HPD: variants seen among roughly 807,000 people sequenced by gnomAD.
The protein encoded by HPD is 4-hydroxyphenylpyruvate dioxygenase.
In HPD, 35 loss-of-function variants were observed where a neutral mutation model predicts 56.9. That is an observed-to-expected ratio of 0.62 (90% CI 0.47 to 0.82). The LOEUF is 0.82. Among genes scored for constraint, HPD ranks in the 40% least tolerant of loss-of-function variants. The pLI, the probability that HPD is intolerant of heterozygous loss-of-function variation, is 0.00. For missense variants in HPD, 442 were observed against 506.8 expected (o/e 0.87, Z 1.23); for synonymous variants, 186 against 200.2 (o/e 0.93, Z 0.60).
chr12:121,861,424 G>T (rs1018611272), upstream of HPD, among the ~76,000 whole-genome samples: 1 of 151,944 alleles, frequency 6.6e-6, no homozygotes, highest in African/African-American at 2.4e-5. Flanking sequence ...AGAATCACTT[G>T]AACCCAGGAG....
chr12:121,851,404 T>C (rs902704512), intron 7 of HPD, among the ~76,000 whole-genome samples: 1 of 151,994 alleles, frequency 6.6e-6, no homozygotes, highest in Non-Finnish European at 1.5e-5. Flanking sequence ...TGGAGTACAG[T>C]GGTGCAACCT....
At chr12:121,869,350 CAAAAA>C in the HPD span, among the ~76,000 whole-genome samples, 26,523 of 115,490 alleles carry the variant, frequency 0.23, 5,119 homozygotes, top group African/African-American at 0.57. Context: ...AACTTCGTCT[CAAAAA>C]AAAAAAAAAA....
the HPD span, among the ~76,000 whole-genome samples, chr12:121,879,701 A>T: frequency 6.6e-6 from 1 of 152,122 alleles, no homozygotes; most frequent in East Asian, 1.9e-4. Context: ...AAAATGTATA[A>T]ACATATATAG....
At chr12:121,882,418 TCTC>T in the HPD span, among the ~76,000 whole-genome samples, 2 of 152,108 alleles carry the variant, frequency 1.3e-5, no homozygotes, top group Non-Finnish European at 2.9e-5. Flanking sequence ...CAACTGAAGT[TCTC>T]CTAGATCTTG....
At chr12:121,842,741 C>CTTTTTT (rs34879391) in intron 12 of HPD, among the ~76,000 whole-genome samples, 3 of 76,246 alleles carry the variant, frequency 3.9e-5, no homozygotes, top group Admixed American at 1.7e-4. Flanking sequence ...TAAAATGGAT[C>CTTTTTT]TTTTTTTTTT....
upstream of HPD, among the ~76,000 whole-genome samples, chr12:121,861,491 G>A (rs1878172079): frequency 6.6e-6 from 1 of 151,872 alleles, no homozygotes; most frequent in Non-Finnish European, 1.5e-5. Flanking sequence ...GACAGAATGA[G>A]ACCCTGTCTC....
At chr12:121,867,657 G>A (rs1287243344), upstream of HPD, among the ~76,000 whole-genome samples, 1 of 151,964 alleles carries the variant, frequency 6.6e-6, no homozygotes, top group Non-Finnish European at 1.5e-5. Flanking sequence ...GGGATTACAG[G>A]TGCACATCAC....
chr12:121,842,582 C>G (rs1002561280), intron 12 of HPD, among the ~76,000 whole-genome samples: 2 of 151,770 alleles, frequency 1.3e-5, no homozygotes, highest in East Asian at 3.9e-4. Flanking sequence ...CAGATCACCA[C>G]GCACAGCTAA....
chr12:121,864,073 CAA>C (rs748278452), upstream of HPD, among the ~76,000 whole-genome samples: 183 of 71,300 alleles, frequency 2.6e-3, no homozygotes, highest in East Asian at 0.053. Context: ...ACTAAAAATA[CAA>C]AAAAAAAAAA....
chr12:121,872,401 T>C, the HPD span, among the ~76,000 whole-genome samples: 1 of 151,686 alleles, frequency 6.6e-6, no homozygotes, highest in African/African-American at 2.4e-5. Flanking sequence ...TTAGTTTCTT[T>C]TGTATTTTTA....
At chr12:121,844,081 G>C (rs1877495596) in intron 11 of HPD, among the ~76,000 whole-genome samples, 1 of 151,818 alleles carries the variant, frequency 6.6e-6, no homozygotes, top group Non-Finnish European at 1.5e-5. Context: ...TTGAGATGGA[G>C]TCTCTGTTGC....
chr12:121,852,615 TTG>T (rs1877830387), intron 7 of HPD, among the ~76,000 whole-genome samples: 1 of 142,534 alleles, frequency 7.0e-6, no homozygotes, highest in African/African-American at 2.6e-5. Context: ...AATGACCTCA[TTG>T]GATCCTTTTT....
chr12:121,854,226 A>C (rs1234386054), intron 7 of HPD, among the ~76,000 whole-genome samples: 1 of 152,180 alleles, frequency 6.6e-6, no homozygotes, highest in African/African-American at 2.4e-5. Flanking sequence ...ACTACACTCC[A>C]GCCTGGGCGA....
At chr12:121,879,936 G>T in the HPD span, among the ~76,000 whole-genome samples, 1 of 151,994 alleles carries the variant, frequency 6.6e-6, no homozygotes, top group African/African-American at 2.4e-5. Flanking sequence ...GATCACTTGA[G>T]CCCAGGAATT....
intron 12 of HPD, among the ~76,000 whole-genome samples, chr12:121,842,710 A>T (rs900694955): frequency 6.8e-6 from 1 of 148,096 alleles, no homozygotes; most frequent in African/African-American, 2.5e-5. Context: ...GATTACAGGC[A>T]TGAACCACCA....
At chr12:121,866,043 C>T (rs901301924), upstream of HPD, among the ~76,000 whole-genome samples, 30 of 151,492 alleles carry the variant, frequency 2.0e-4, no homozygotes, top group African/African-American at 6.3e-4. Flanking sequence ...CACGCCTGTA[C>T]TCCTAGCACT....
intron 8 of HPD, 23 bp downstream of exon 8, chr12:121,849,664 C>T: frequency 6.7e-7 from 1 of 1,494,758 alleles, no homozygotes; most frequent in Non-Finnish European, 9.3e-7. Flanking sequence ...TTTCCACCCA[C>T]CTCTGCCCTG....
chr12:121,855,096 C>A (rs923266884), intron 6 of HPD, among the ~76,000 whole-genome samples: 12 of 152,136 alleles, frequency 7.9e-5, no homozygotes, highest in Non-Finnish European at 8.8e-5. Context: ...CTCAATTTCA[C>A]CATCTGTAAA....
the HPD span, among the ~76,000 whole-genome samples, chr12:121,877,320 TC>T: frequency 6.6e-6 from 1 of 152,136 alleles, no homozygotes; most frequent in Non-Finnish European, 1.5e-5. Flanking sequence ...TAGTTTTTCA[TC>T]CTTTCTGGTG....
Sources: allele counts gnomAD v4.1 joint callset (sites outside exome capture counted in the v4.1 genomes callset), GRCh38; gene constraint gnomAD v4.1.1; transcripts MANE v1.5; gene names NCBI Gene and HGNC (gene_info 2026-07-23, HGNC 2026-07-21).